The following HNF1B variants were observed in gnomAD, a reference collection of about 807,000 sequenced individuals.
The protein encoded by HNF1B is hepatocyte nuclear factor 1-beta.
Under a neutral mutation model 61.7 loss-of-function variants are expected in HNF1B, and 8 were observed. The observed-to-expected ratio is 0.13, with a 90% CI of 0.08 to 0.23. The LOEUF is 0.23. Ranked by LOEUF, HNF1B falls within the 10% of genes least tolerant of loss-of-function variation. HNF1B has a pLI of 1.00. For missense variants in HNF1B, 562 were observed against 714.5 expected, an observed-to-expected ratio of 0.79 and a Z score of 2.43; for synonymous variants, 314 against 287.7, an observed-to-expected ratio of 1.09 and a Z score of -0.93.
chr17:37,732,913 T>C (rs1360815453), intron 3 of HNF1B, among the ~76,000 whole-genome samples: 1 of 151,466 alleles, frequency 6.6e-6, no homozygotes, highest in African/African-American at 2.4e-5. Context: ...ACTCCTGGGC[T>C]CAAGCAATCC....
chr17:37,696,970 C>G (rs1205798989), intron 8 of HNF1B, among the ~76,000 whole-genome samples: 1 of 152,158 alleles, frequency 6.6e-6, no homozygotes, highest in East Asian at 1.9e-4. Flanking sequence ...TGGAATATGG[C>G]AAGTGAACTT....
chr17:37,739,839 C>T (rs1482535763), intron 1 of HNF1B, among the ~76,000 whole-genome samples, 200 bp from the exon 2 acceptor site: 1 of 152,100 alleles, frequency 6.6e-6, no homozygotes, highest in African/African-American at 2.4e-5. Flanking sequence ...TACACCTCAT[C>T]CCTTTCTTCT....
intron 4 of HNF1B, among the ~76,000 whole-genome samples, chr17:37,711,577 G>C (rs571326118): frequency 1.3e-5 from 2 of 152,324 alleles, no homozygotes; most frequent in East Asian, 3.9e-4. Context: ...AGAACGCCTG[G>C]GTCCAGTTTG....
In HNF1B at chr17:37,731,636, G is replaced by C; in HGVS notation, c.1004C>G (p.Pro335Arg). The C allele has an allele frequency of 6.2e-7, 1 of 1,614,032 alleles. No individual in the cohort carries two copies. The highest frequency in any genetic ancestry group is 1.1e-5 in the South Asian group (1 of 91,040). The change falls in exon 4 of 9, where the codon CCC becomes CGC. Residue 335 changes from proline (P) to arginine (R), a missense_variant. By Grantham distance (103) the Pro-to-Arg change is moderately radical. Transcript: ENST00000617811. ...AGGAGAGGAGCTGGGCTGGTGGTGG[G>C]GGGAGCCGTGGGAGAGCAGAGGGTT... is the stretch of plus-strand genomic sequence containing the variant. ...SLNPLLSHGSPHHQPSSSPPN... is the reference protein window; with the variant it reads ...SLNPLLSHGSRHHQPSSSPPN...
chr17:37,744,313 C>G lies in HNF1B; in HGVS notation c.344+228G>C, dbSNP rs113656333. Among the ~76,000 whole-genome samples, 9,194 of 152,346 alleles carry G rather than the reference C, an allele frequency of 0.06. 406 individuals are homozygous for G. Among genetic ancestry groups the G allele is most frequent in the Middle Eastern group, 0.21 (61 of 294 alleles). Reference sequence around the variant, plus strand: ...GCCCCGCGGGGAAAAGCCCTTGGGTCTCGGACGCTGGCCTGGGCCTGGGGA... The same window carrying G: ...GCCCCGCGGGGAAAAGCCCTTGGGTGTCGGACGCTGGCCTGGGCCTGGGGA... On this transcript the variant is annotated intron_variant, in intron 1 of 8. Transcript: ENST00000617811.
chr17:37,742,551 C>A (rs1444470768), intron 1 of HNF1B, among the ~76,000 whole-genome samples: 1 of 152,110 alleles, frequency 6.6e-6, no homozygotes, highest in African/African-American at 2.4e-5. Flanking sequence ...TCAAGTCCGG[C>A]GCTCCCGGGA....
At chr17:37,736,306 A>G (rs939582128) in intron 2 of HNF1B, among the ~76,000 whole-genome samples, 1 of 152,242 alleles carries the variant, frequency 6.6e-6, no homozygotes, top group African/African-American at 2.4e-5. Context: ...AGATTTTTTC[A>G]TTTGATGTGA....
In HNF1B at chr17:37,744,861, G is replaced by A; in HGVS notation, c.24C>T (p.Leu8=). The change falls in exon 1 of 9, where the codon CTC becomes CTT. Residue 8 remains leucine, a synonymous_variant. Transcript: ENST00000617811. MVSKLTS[L]QQELLSALLS... is the part of the protein sequence containing the mutation. Reference sequence around the variant, plus strand: ...GCAGGGCGCTCAGGAGTTCTTGCTGGAGCGACGTGAGCTTGGACACCATTT... The same window carrying A: ...GCAGGGCGCTCAGGAGTTCTTGCTGAAGCGACGTGAGCTTGGACACCATTT... The A allele has an allele frequency of 6.2e-7, 1 of 1,610,774 alleles. No homozygotes were observed. Among genetic ancestry groups the A allele is most frequent in the Non-Finnish European group, 8.5e-7 (1 of 1,178,734 alleles).
At chr17:37,736,280 G>C (rs935071178) in intron 2 of HNF1B, among the ~76,000 whole-genome samples, 1 of 152,216 alleles carries the variant, frequency 6.6e-6, no homozygotes, top group African/African-American at 2.4e-5. Context: ...CATCCCAAGG[G>C]CCTGGGAGCA....
At chr17:37,743,282 G>C (rs2034056677) in intron 1 of HNF1B, among the ~76,000 whole-genome samples, 3 of 152,164 alleles carry the variant, frequency 2.0e-5, no homozygotes, top group African/African-American at 7.2e-5. Flanking sequence ...CCACTCTCTC[G>C]ACCCCTCTTA....
chr17:37,713,175 C>T (rs530818331), intron 4 of HNF1B, among the ~76,000 whole-genome samples: 5 of 152,228 alleles, frequency 3.3e-5, no homozygotes, highest in Admixed American at 6.5e-5. Flanking sequence ...GTGTTGATAA[C>T]GCTGGGAGTC....
At chr17:37,699,258 C>T (rs982642755) in intron 7 of HNF1B, 64 bp from the exon 8 acceptor site, 37 of 1,191,240 alleles carry the variant, frequency 3.1e-5, no homozygotes, top group Non-Finnish European at 4.7e-5. Flanking sequence ...GGTACAGAGC[C>T]CCCATCCCAC....
At chr17:37,705,859 T>C (rs982157059) in intron 5 of HNF1B, among the ~76,000 whole-genome samples, 1 of 152,236 alleles carries the variant, frequency 6.6e-6, no homozygotes, top group Admixed American at 6.5e-5. Flanking sequence ...TTTCCAATGT[T>C]TTCCCATTAA....
intron 4 of HNF1B, among the ~76,000 whole-genome samples, chr17:37,719,159 G>T (rs1459192390): frequency 6.6e-6 from 1 of 151,796 alleles, no homozygotes; most frequent in Non-Finnish European, 1.5e-5. Flanking sequence ...AGAGATGGGG[G>T]GGTCTATGTT....
At chr17:37,700,868 C>T in intron 7 of HNF1B, 115 bp downstream of exon 7, 1 of 918,080 alleles carries the variant, frequency 1.1e-6, no homozygotes, top group Non-Finnish European at 1.7e-6. Context: ...TGATCATAGG[C>T]AGGGAAAAGT....
intron 1 of HNF1B, among the ~76,000 whole-genome samples, chr17:37,741,966 C>G (rs754832570): frequency 3.9e-5 from 6 of 152,242 alleles, no homozygotes; most frequent in Non-Finnish European, 7.3e-5. Context: ...CGTGTGTTCA[C>G]CGGGAAGAGC....
chr17:37,741,907 A>C (rs1004801807), intron 1 of HNF1B, among the ~76,000 whole-genome samples: 5 of 152,224 alleles, frequency 3.3e-5, no homozygotes. Context: ...AAGAGTGAGG[A>C]GTAAGATGGC....
chr17:37,726,663 A>G (rs2033509237), intron 4 of HNF1B, among the ~76,000 whole-genome samples: 2 of 152,166 alleles, frequency 1.3e-5, no homozygotes, highest in Non-Finnish European at 2.9e-5. Context: ...GGCAGGAGGC[A>G]GGATTCTCTG....
chr17:37,721,695 G>C (rs2033320432), intron 4 of HNF1B, among the ~76,000 whole-genome samples: 1 of 148,970 alleles, frequency 6.7e-6, no homozygotes, highest in African/African-American at 2.5e-5. Flanking sequence ...TGTCAACCCT[G>C]ACTATGCATC....
Sources: gnomAD v4.1 joint callset for allele counts (sites outside exome capture counted in the v4.1 genomes callset) on GRCh38, gnomAD v4.1.1 for gene constraint, MANE v1.5 for transcripts, NCBI Gene and HGNC (gene_info 2026-07-23, HGNC 2026-07-21) for gene names.